SNX30: variants seen among roughly 807,000 people sequenced by gnomAD.
The protein encoded by SNX30 is sorting nexin family member 30, also known as sorting nexin-30.
A neutral mutation model predicts 46.4 loss-of-function variants in SNX30; 24 were observed. The ratio of observed to expected loss-of-function variants is 0.52; its 90% CI spans 0.37 to 0.73. SNX30 has a LOEUF of 0.73. Among genes scored for constraint, SNX30 ranks in the 30% least tolerant of loss-of-function variants. The probability of loss-of-function intolerance (pLI) is 0.00; values close to 1 mark genes in which losing one functional copy is unlikely to be tolerated. For missense variants in SNX30, 533 were observed against 555.7 expected, an observed-to-expected ratio of 0.96 and a Z score of 0.41; for synonymous variants, 189 against 211.5, an observed-to-expected ratio of 0.89 and a Z score of 0.92.
At chr9:112,769,951 A>G (rs1049042477) in intron 1 of SNX30, among the ~76,000 whole-genome samples, 1 of 151,912 alleles carries the variant, frequency 6.6e-6, no homozygotes, top group Non-Finnish European at 1.5e-5. Context: ...AGTGCTTCTG[A>G]AATACCATGT....
intron 1 of SNX30, among the ~76,000 whole-genome samples, chr9:112,773,146 G>A (rs1228069609): frequency 6.6e-6 from 1 of 152,218 alleles, no homozygotes; most frequent in Non-Finnish European, 1.5e-5. Flanking sequence ...GCTGCGTAGA[G>A]AGAATAGAGC....
At chr9:112,850,050 C>T (rs1019648719) in intron 6 of SNX30, among the ~76,000 whole-genome samples, 7 of 152,206 alleles carry the variant, frequency 4.6e-5, no homozygotes, top group African/African-American at 1.7e-4. Flanking sequence ...GCCCCAGGCA[C>T]AGATTTACAG....
At chr9:112,851,399 G>A (rs1841023801) in intron 7 of SNX30, among the ~76,000 whole-genome samples, 1 of 152,226 alleles carries the variant, frequency 6.6e-6, no homozygotes, top group East Asian at 1.9e-4. Context: ...CAAGGCGAGC[G>A]TGTTAAACTC....
At chr9:112,793,797 G>GTTTTTTTTTTTTTTTTTTTTTTTTTTTT (rs200559435) in intron 1 of SNX30, among the ~76,000 whole-genome samples, 3 of 137,112 alleles carry the variant, frequency 2.2e-5, no homozygotes. Context: ...TACCTCCACT[G>GTTTTTTTTTTTTTTTTTTTTTTTTTTTT]TTTTTTGTTT....
intron 2 of SNX30, among the ~76,000 whole-genome samples, chr9:112,807,091 G>T (rs1840239738): frequency 2.0e-5 from 2 of 100,318 alleles, no homozygotes. Flanking sequence ...TTGAGACAGA[G>T]TCTCCCTCTG....
intron 6 of SNX30, among the ~76,000 whole-genome samples, chr9:112,840,540 C>A (rs1009319436): frequency 6.6e-6 from 1 of 152,182 alleles, no homozygotes; most frequent in Non-Finnish European, 1.5e-5. Context: ...GGCTGGAGTG[C>A]AGTGGCACAA....
chr9:112,836,155 T>C, intron 4 of SNX30, 59 bp from the exon 5 acceptor site: 1 of 1,458,936 alleles, frequency 6.9e-7, no homozygotes, highest in South Asian at 1.4e-5. Context: ...AGCTGTTTTA[T>C]TTAGTCCTGC....
exon 6 of SNX30, chr9:112,881,520 A>T (rs1158492197): frequency 6.6e-6 from 1 of 152,376 alleles, no homozygotes; most frequent in Non-Finnish European, 1.5e-5. Flanking sequence ...CACAGGCACA[A>T]GGCGATGGCC....
intron 8 of SNX30, among the ~76,000 whole-genome samples, chr9:112,865,796 G>T (rs759013409): frequency 4.7e-5 from 7 of 150,068 alleles, no homozygotes; most frequent in Non-Finnish European, 8.9e-5. Flanking sequence ...TATATATTGC[G>T]ATAGGGTCAA....
rs1588145836 is a variant in SNX30 at position 112,871,378 on chromosome 9, C to T, written c.*2535C>T. 6.6e-6 allele frequency: 1 copy of T among 152,068 alleles called. No homozygotes were observed. The highest frequency in any genetic ancestry group is 2.4e-5 in the African/African-American group (1 of 41,404). The allele number at this position is 152,068 out of a possible 1,614,324, so 9.4% of individuals were successfully genotyped here. A position where few individuals can be genotyped will look rare whatever the true frequency, so the allele number is the denominator to read the frequency against. On this transcript the variant is annotated 3_prime_UTR_variant, in exon 9 of 9. Transcript: ENST00000374232. ...GGTGGTGAAGCAGGCTCCCCTGGGCCTCTGAGGGCCAGCAGTCCCAACCAT... is the reference window on the plus strand; with the variant it reads ...GGTGGTGAAGCAGGCTCCCCTGGGCTTCTGAGGGCCAGCAGTCCCAACCAT...
chr9:112,814,721 G>A lies in SNX30; in HGVS notation c.349-2984G>A, dbSNP rs535365895. On this transcript the variant is annotated intron_variant, in intron 2 of 8. Transcript: ENST00000374232. ...AAAGATAACTAGTTCCTGAGAATAC[G>A]TGGTAAGAATATAAATTGCTATATT... Among the ~76,000 whole-genome samples, 6 of 152,252 alleles carry A rather than the reference G, an allele frequency of 3.9e-5. No individual in the cohort carries two copies. In the East Asian group the frequency reaches 5.8e-4, roughly 15 times the overall value.
At chr9:112,835,405 A>G (rs938670415) in intron 4 of SNX30, among the ~76,000 whole-genome samples, 8 of 152,174 alleles carry the variant, frequency 5.3e-5, no homozygotes, top group Non-Finnish European at 1.0e-4. Flanking sequence ...TTCCAGGTTC[A>G]AATGATTCTC....
intron 2 of SNX30, among the ~76,000 whole-genome samples, chr9:112,816,945 G>T (rs1005906213): frequency 1.3e-5 from 2 of 152,206 alleles, no homozygotes; most frequent in South Asian, 2.1e-4. Context: ...CATTATTAAA[G>T]TGCTGCAATC....
At chr9:112,866,101 G>C (rs1156506851) in intron 8 of SNX30, among the ~76,000 whole-genome samples, 1 of 152,118 alleles carries the variant, frequency 6.6e-6, no homozygotes, top group Admixed American at 6.5e-5. Context: ...TTTAACAAAT[G>C]CTTTTTGTGC....
intron 1 of SNX30, among the ~76,000 whole-genome samples, chr9:112,792,503 C>T (rs1408909815): frequency 6.6e-6 from 1 of 152,224 alleles, no homozygotes; most frequent in Non-Finnish European, 1.5e-5. Context: ...CTGCTCACTG[C>T]AACCTCTGCC....
intron 1 of SNX30, among the ~76,000 whole-genome samples, chr9:112,774,843 G>GC (rs1249812450): frequency 1.4e-5 from 2 of 141,640 alleles, no homozygotes; most frequent in East Asian, 2.0e-4. Context: ...TTATTTATAT[G>GC]CTTTTTTTTT....
intron 6 of SNX30, among the ~76,000 whole-genome samples, chr9:112,843,620 C>T (rs573724509): frequency 8.8e-6 from 1 of 113,842 alleles, no homozygotes; most frequent in African/African-American, 3.2e-5. Context: ...CCTGGTCCTG[C>T]AGTAGCTTTT....
chr9:112,787,028 G>A (rs1253269357), intron 1 of SNX30, among the ~76,000 whole-genome samples: 1 of 152,140 alleles, frequency 6.6e-6, no homozygotes, highest in African/African-American at 2.4e-5. Flanking sequence ...CATGTCAGTG[G>A]GAATGTGGGA....
intron 1 of SNX30, among the ~76,000 whole-genome samples, chr9:112,758,870 CAT>C (rs1839394746): frequency 6.6e-6 from 1 of 151,464 alleles, no homozygotes; most frequent in African/African-American, 2.4e-5. Flanking sequence ...CACACACACA[CAT>C]ACACACACAA....
Sources: allele counts gnomAD v4.1 joint callset (sites outside exome capture counted in the v4.1 genomes callset), GRCh38; gene constraint gnomAD v4.1.1; transcripts MANE v1.5; gene names NCBI Gene and HGNC (gene_info 2026-07-23, HGNC 2026-07-21).